SLC35F3: variants seen among roughly 807,000 people sequenced by gnomAD.
SLC35F3 encodes the protein solute carrier family 35 member F3, also known as putative thiamine transporter SLC35F3.
Under a neutral mutation model 49.9 loss-of-function variants are expected in SLC35F3, and 25 were observed. The ratio of observed to expected loss-of-function variants is 0.50; its 90% CI spans 0.37 to 0.70. The LOEUF is 0.70. SLC35F3 is among the 30% of genes least tolerant of loss of function. SLC35F3 has a pLI of 0.00. For synonymous variants in SLC35F3, 275 were observed against 265.4 expected, an observed-to-expected ratio of 1.04 and a Z score of -0.35; for missense variants, 525 against 639.8, an observed-to-expected ratio of 0.82 and a Z score of 1.94.
At chr1:233,965,050 A>G (rs1295198042) in intron 2 of SLC35F3, among the ~76,000 whole-genome samples, 1 of 152,182 alleles carries the variant, frequency 6.6e-6, no homozygotes, top group African/African-American at 2.4e-5. Context: ...GCCTGGAGAA[A>G]GAAATACAGG....
chr1:233,969,562 G>T (rs1055588380), intron 2 of SLC35F3, among the ~76,000 whole-genome samples: 10 of 152,154 alleles, frequency 6.6e-5, no homozygotes. Context: ...AAATCTCTCT[G>T]TGTAGCTCCC....
At chr1:233,933,404 A>G (rs977426305) in intron 2 of SLC35F3, among the ~76,000 whole-genome samples, 3 of 151,842 alleles carry the variant, frequency 2.0e-5, no homozygotes, top group African/African-American at 7.3e-5. Flanking sequence ...GCTGGAGTGC[A>G]GTGGTGCAAT....
chr1:234,218,849 G>T (rs140779616), intron 2 of SLC35F3, among the ~76,000 whole-genome samples: 114 of 152,088 alleles, frequency 7.5e-4, no homozygotes, highest in Non-Finnish European at 1.4e-3. Context: ...AAGAGAGCAA[G>T]ACCATCCTAG....
At chr1:233,923,356 C>T (rs1393235678) in intron 2 of SLC35F3, among the ~76,000 whole-genome samples, 1 of 152,058 alleles carries the variant, frequency 6.6e-6, no homozygotes, top group African/African-American at 2.4e-5. Context: ...CTTGAAGAGG[C>T]CCTTCACATC....
intron 2 of SLC35F3, among the ~76,000 whole-genome samples, chr1:234,038,599 C>T (rs1462103368): frequency 6.6e-6 from 1 of 152,172 alleles, no homozygotes; most frequent in Non-Finnish European, 1.5e-5. Flanking sequence ...AAAACAGACA[C>T]TTCTCAAAAG....
At chr1:234,174,498 C>T (rs149688694) in intron 2 of SLC35F3, among the ~76,000 whole-genome samples, 2 of 152,316 alleles carry the variant, frequency 1.3e-5, no homozygotes, top group African/African-American at 4.8e-5. Flanking sequence ...TACTTAATCC[C>T]GCCCTGTCTC....
intron 3 of SLC35F3, among the ~76,000 whole-genome samples, chr1:234,242,041 A>G (rs1667562113): frequency 6.6e-6 from 1 of 152,210 alleles, no homozygotes; most frequent in South Asian, 2.1e-4. Flanking sequence ...TTATTTTGTG[A>G]TATCACATTC....
chr1:234,127,755 C>T lies in SLC35F3; in HGVS notation c.284-103662C>T, dbSNP rs114891830. Among the ~76,000 whole-genome samples, 659 of 152,112 alleles carry T rather than the reference C, an allele frequency of 4.3e-3. 6 individuals carry two copies. The highest frequency in any genetic ancestry group is 0.015 in the African/African-American group (613 of 41,484). The stretch of plus-strand genomic sequence containing the variant: ...TTCTTTGAAGGAAATAAATTAAACA[C>T]GAGTTTACATTAGAATAGATTTATA... On this transcript the variant is annotated intron_variant, in intron 2 of 7. Coordinates refer to ENST00000366618, the MANE Select transcript of SLC35F3 (RefSeq NM_173508.4).
At chr1:234,067,557 C>G (rs1664640246) in intron 2 of SLC35F3, among the ~76,000 whole-genome samples, 1 of 152,130 alleles carries the variant, frequency 6.6e-6, no homozygotes, top group Admixed American at 6.5e-5. Flanking sequence ...CTTTTGAGCC[C>G]TGAAATCTGG....
intron 2 of SLC35F3, among the ~76,000 whole-genome samples, chr1:234,094,413 C>A (rs948712256): frequency 3.3e-5 from 5 of 152,246 alleles, no homozygotes; most frequent in Non-Finnish European, 7.3e-5. Flanking sequence ...GCACTATATG[C>A]TCATGGCAAT....
intron 2 of SLC35F3, among the ~76,000 whole-genome samples, chr1:234,185,910 C>T (rs1318559411): frequency 6.6e-6 from 1 of 152,174 alleles, no homozygotes; most frequent in African/African-American, 2.4e-5. Context: ...TTTATCATCA[C>T]TCTCTTTGAG....
chr1:234,273,434 T>C (rs1484729490), intron 3 of SLC35F3, among the ~76,000 whole-genome samples: 2 of 152,202 alleles, frequency 1.3e-5, no homozygotes, highest in Non-Finnish European at 2.9e-5. Flanking sequence ...CAGCAGTCTG[T>C]CCTGCCCCCC....
intron 2 of SLC35F3, among the ~76,000 whole-genome samples, chr1:233,981,898 T>A (rs987681364): frequency 1.3e-5 from 2 of 152,230 alleles, no homozygotes; most frequent in Non-Finnish European, 2.9e-5. Context: ...GTTTTTAATT[T>A]GCATTTTCCT....
intron 2 of SLC35F3, among the ~76,000 whole-genome samples, chr1:234,032,514 A>G (rs1664079145): frequency 6.6e-6 from 1 of 151,886 alleles, no homozygotes; most frequent in Admixed American, 6.6e-5. Context: ...CCTCCCTTCC[A>G]CACTTCCCCC....
Position 234,163,021 on chromosome 1 carries a change from A to G in SLC35F3, c.284-68396A>G, listed in dbSNP as rs763843158. On this transcript the variant is annotated intron_variant, in intron 2 of 7. Transcript: ENST00000366618. ...TCATGACCTAGGTCCCACTCTGCCC[A>G]TGTCTGTAAAGACTCCACTCTCCAT... 2.6e-5 allele frequency among the ~76,000 whole-genome samples: 4 copies of G among 152,156 alleles called. No individual in the cohort carries two copies. In the South Asian group the frequency reaches 6.2e-4, roughly 24 times the overall value.
At chr1:234,116,179 A>G (rs922428050) in intron 2 of SLC35F3, among the ~76,000 whole-genome samples, 11 of 152,250 alleles carry the variant, frequency 7.2e-5, no homozygotes, top group African/African-American at 2.7e-4. Context: ...CTGTGGAGAC[A>G]TCTGGCCTCG....
At chr1:234,267,571 G>C (rs1232895237) in intron 3 of SLC35F3, among the ~76,000 whole-genome samples, 1 of 149,938 alleles carries the variant, frequency 6.7e-6, no homozygotes, top group Non-Finnish European at 1.5e-5. Flanking sequence ...TCACTTCCCA[G>C]TAGGGGCGGC....
chr1:234,113,898 C>T (rs1004352764), intron 2 of SLC35F3, among the ~76,000 whole-genome samples: 1 of 152,098 alleles, frequency 6.6e-6, no homozygotes, highest in Non-Finnish European at 1.5e-5. Flanking sequence ...TTTGGTGACA[C>T]GTAAGAGATT....
At position 234,323,182 on chromosome 1, in the gene SLC35F3, C is replaced by T; in HGVS notation, c.1412C>T (p.Ala471Val). The T allele has an allele frequency of 6.2e-7, 1 of 1,614,142 alleles. No individual in the cohort carries two copies. Among genetic ancestry groups the T allele is most frequent in the Non-Finnish European group, 8.5e-7 (1 of 1,180,026 alleles). The stretch of plus-strand genomic sequence containing the variant: ...AAGGAGGAGCCTGCAGAGGGCGCTG[C>T]CGACCTGAGCTCAGGACCTCAGAGC... The part of the protein sequence containing the change: ...RKKEEPAEGA[A>V]DLSSGPQSKN... Residue 471 changes from alanine to valine, a missense_variant, in exon 8 of 8, where the codon GCC (alanine) becomes GTC (valine). By Grantham distance (64) the Ala-to-Val change is moderately conservative. Coordinates refer to ENST00000366618, the MANE Select transcript of SLC35F3 (RefSeq NM_173508.4). This position sits in a 1 kb window ranked among gnomAD's most constrained non-coding sequence, Gnocchi z 4.5.
Sources: allele counts gnomAD v4.1 joint callset (sites outside exome capture counted in the v4.1 genomes callset), GRCh38; gene constraint gnomAD v4.1.1; non-coding constraint Gnocchi (gnomAD v3.1); transcripts MANE v1.5; gene names NCBI Gene and HGNC (gene_info 2026-07-23, HGNC 2026-07-21).